FRMD4B: variants seen among roughly 807,000 people sequenced by gnomAD.
The protein encoded by FRMD4B is FERM domain containing 4B.
Under a neutral mutation model 141.5 loss-of-function variants are expected in FRMD4B, and 74 were observed. The observed-to-expected ratio is 0.52, with a 90% confidence interval of 0.43 to 0.63. The LOEUF is 0.63. Among genes scored for constraint, FRMD4B ranks in the 30% least tolerant of loss-of-function variants. FRMD4B has a pLI of 0.00. For synonymous variants in FRMD4B, 506 were observed against 467.9 expected (o/e 1.08, Z -1.05); for missense variants, 1,366 against 1,253.4 (o/e 1.09, Z -1.36).
intron 11 of FRMD4B, among the ~76,000 whole-genome samples, chr3:69,212,484 C>A (rs974315589): frequency 1.4e-5 from 2 of 147,172 alleles, no homozygotes; most frequent in African/African-American, 5.0e-5. Context: ...AATAAAAAAA[C>A]CCTGCAAATC....
intron 21 of FRMD4B, among the ~76,000 whole-genome samples, chr3:69,177,667 T>G (rs1217382568): frequency 6.6e-6 from 1 of 152,024 alleles, no homozygotes; most frequent in African/African-American, 2.4e-5. Context: ...AAAATAATAA[T>G]AACACATAAA....
chr3:69,303,077 C>T (rs1054230623), intron 3 of FRMD4B, among the ~76,000 whole-genome samples: 3 of 133,112 alleles, frequency 2.3e-5, no homozygotes, highest in Admixed American at 7.9e-5. Flanking sequence ...GAGTGAAACT[C>T]TGTCTAAAAA....
chr3:69,443,127 G>T (rs1309306625), intron 1 of FRMD4B, among the ~76,000 whole-genome samples: 2 of 152,180 alleles, frequency 1.3e-5, no homozygotes, highest in South Asian at 4.1e-4. Context: ...GTGATTACAG[G>T]GTTGGAAATT....
At chr3:69,236,338 C>A (rs1350824474) in intron 7 of FRMD4B, among the ~76,000 whole-genome samples, 1 of 151,778 alleles carries the variant, frequency 6.6e-6, no homozygotes, top group Non-Finnish European at 1.5e-5. Flanking sequence ...AACAGATCCT[C>A]CTGCCTCAGC....
chr3:69,212,737 G>T (rs1313111899), intron 11 of FRMD4B, among the ~76,000 whole-genome samples: 1 of 152,210 alleles, frequency 6.6e-6, no homozygotes, highest in Non-Finnish European at 1.5e-5. Context: ...TCTGCTGGAA[G>T]CTCAATCTTA....
At chr3:69,431,787 CT>C (rs1335181677) in intron 2 of FRMD4B, among the ~76,000 whole-genome samples, 1 of 152,190 alleles carries the variant, frequency 6.6e-6, no homozygotes, top group African/African-American at 2.4e-5. Flanking sequence ...GATTTGCAAT[CT>C]TACCATTGAT....
At chr3:69,177,174 CCAAAAAATA>C (rs2092655894) in intron 21 of FRMD4B, among the ~76,000 whole-genome samples, 1 of 151,970 alleles carries the variant, frequency 6.6e-6, no homozygotes, top group Admixed American at 6.6e-5. Flanking sequence ...CCTGTCTCTA[CCAAAAAATA>C]CAAAAATTAG....
chr3:69,283,975 C>CAAAAAAAAAAAAAAAA (rs544611686), intron 5 of FRMD4B, among the ~76,000 whole-genome samples: 1 of 147,272 alleles, frequency 6.8e-6, no homozygotes, highest in Middle Eastern at 3.2e-3. Context: ...CAAAACAAAA[C>CAAAAAAAAAAAAAAAA]AAAAAAAACA....
chr3:69,287,685 A>C, intron 5 of FRMD4B, 67 bp downstream of exon 5: 1 of 809,020 alleles, frequency 1.2e-6, no homozygotes, highest in Non-Finnish European at 2.1e-6. Context: ...GAGAGGCAAA[A>C]CCATTTCTTC....
chr3:69,527,166 A>C (rs937902168), intron 1 of FRMD4B, among the ~76,000 whole-genome samples: 2 of 152,160 alleles, frequency 1.3e-5, no homozygotes, highest in Non-Finnish European at 2.9e-5. Flanking sequence ...AGATTTTCAC[A>C]AGTTCATCTC....
intron 1 of FRMD4B, among the ~76,000 whole-genome samples, chr3:69,519,116 T>G (rs1472985431): frequency 1.3e-5 from 2 of 152,194 alleles, no homozygotes; most frequent in Admixed American, 1.3e-4. Context: ...TCTTTGTTTG[T>G]TTTTAACTTC....
chr3:69,487,702 G>C (rs528318697), intron 1 of FRMD4B, among the ~76,000 whole-genome samples: 1 of 152,296 alleles, frequency 6.6e-6, no homozygotes, highest in South Asian at 2.1e-4. Flanking sequence ...AAGACTTTTG[G>C]AACCTGAATT....
At chr3:69,520,575 G>A (rs927642787) in intron 1 of FRMD4B, among the ~76,000 whole-genome samples, 1 of 151,842 alleles carries the variant, frequency 6.6e-6, no homozygotes, top group African/African-American at 2.4e-5. Flanking sequence ...GATGGCTGCT[G>A]GAAGCCACTC....
intron 1 of FRMD4B, among the ~76,000 whole-genome samples, chr3:69,383,456 T>C (rs1370037337): frequency 1.3e-5 from 2 of 152,274 alleles, no homozygotes; most frequent in Admixed American, 6.5e-5. Context: ...TTATTTATTT[T>C]CATTGATACA....
intron 1 of FRMD4B, among the ~76,000 whole-genome samples, chr3:69,467,317 G>C (rs907365584): frequency 2.0e-5 from 3 of 152,110 alleles, no homozygotes; most frequent in African/African-American, 7.3e-5. Flanking sequence ...GCTAGCATTT[G>C]AGCGGTAACT....
chr3:69,233,344 TG>T (rs1197221582), intron 7 of FRMD4B, among the ~76,000 whole-genome samples: 1 of 151,548 alleles, frequency 6.6e-6, no homozygotes, highest in Admixed American at 6.6e-5. Flanking sequence ...ATTAGTTGGG[TG>T]GGGTGGCACA....
At chr3:69,453,017 T>G (rs929833427) in intron 1 of FRMD4B, among the ~76,000 whole-genome samples, 6 of 152,252 alleles carry the variant, frequency 3.9e-5, no homozygotes, top group African/African-American at 1.4e-4. Context: ...ATATTTACAC[T>G]ACATCTCAAT....
chr3:69,243,104 C>CTG (rs1357072444), intron 7 of FRMD4B, among the ~76,000 whole-genome samples: 1 of 151,404 alleles, frequency 6.6e-6, no homozygotes, highest in Non-Finnish European at 1.5e-5. Flanking sequence ...CTCTGTTTGT[C>CTG]TGTGTTGTGT....
chr3:69,168,962 TAC>T lies in FRMD4B; in HGVS notation c.*2897_*2898del. Among the ~76,000 whole-genome samples, 1 of 151,042 alleles carries T rather than the reference TAC, an allele frequency of 6.6e-6. No individual in the cohort carries two copies. Among genetic ancestry groups the T allele is most frequent in the East Asian group, 1.9e-4 (1 of 5,174 alleles). ...TATGAGGTAGATCAGTATGTCTTGA[TAC>T]AGAGGCCCAAGATATATTAGGCAGA... On this transcript the variant is annotated 3_prime_UTR_variant, in exon 23 of 23. Coordinates refer to ENST00000398540, the MANE Select transcript of FRMD4B (RefSeq NM_015123.3).
Sources: gnomAD v4.1 joint callset for allele counts (sites outside exome capture counted in the v4.1 genomes callset) on GRCh38, gnomAD v4.1.1 for gene constraint, MANE v1.5 for transcripts, NCBI Gene and HGNC (gene_info 2026-07-23, HGNC 2026-07-21) for gene names.